The following ARSF variants were observed in gnomAD, a reference collection of about 807,000 sequenced individuals.
ARSF encodes arylsulfatase F.
ARSF carries 33 observed loss-of-function variants against 35.4 expected under a neutral mutation model. That is an observed-to-expected ratio of 0.93 (90% CI 0.71 to 1.25). The LOEUF is 1.25. Among genes scored for constraint, ARSF ranks in the 50% most tolerant of loss-of-function variants. The pLI is 0.00. For synonymous variants in ARSF, 222 were observed against 193.1 expected (o/e 1.15, Z -1.24); for missense variants, 501 against 480.2 (o/e 1.04, Z -0.40).
intron 1 of ARSF, among the ~76,000 whole-genome samples, chrX:3,056,403 G>A (rs992579875): frequency 6.9e-4 from 75 of 108,904 alleles, no homozygotes; most frequent in African/African-American, 2.3e-3. Context: ...AGCCTCCTGA[G>A]TAGTTGGGAT....
chrX:3,047,106 A>G (rs1468767485), intron 1 of ARSF, among the ~76,000 whole-genome samples: 1 of 111,299 alleles, frequency 9.0e-6, no homozygotes, highest in African/African-American at 3.3e-5. Flanking sequence ...CATCTTCTAG[A>G]TTGGTATCGT....
At chrX:3,098,047 AACAC>A (rs3032523) in intron 7 of ARSF, among the ~76,000 whole-genome samples, 1,741 of 88,054 alleles carry the variant, frequency 0.02, 50 homozygotes, top group Admixed American at 0.12. Flanking sequence ...ATACACACAC[AACAC>A]ACACACACAC....
intron 1 of ARSF, among the ~76,000 whole-genome samples, chrX:3,064,297 T>C (rs775190449): frequency 1.1e-4 from 12 of 112,156 alleles, no homozygotes; most frequent in African/African-American, 3.6e-4. Context: ...TTATACAAAA[T>C]TAATTCAAGA....
chrX:3,059,389 G>A (rs886555733), intron 1 of ARSF, among the ~76,000 whole-genome samples: 3 of 111,818 alleles, frequency 2.7e-5, no homozygotes, highest in Non-Finnish European at 5.6e-5. Flanking sequence ...CACAGAAAAC[G>A]GGTGATTTCT....
Position 3,112,306 on chromosome X carries a change from A to G in ARSF, c.1523A>G (p.Asp508Gly). ...TACCACAACCCCCCTCTGCTCTTCG[A>G]TCTCTCCAGGGACCCCTCAGAGTCC... ...VTYHNPPLLF[D>G]LSRDPSESTP... Residue 508 changes from aspartate (D) to glycine (G), a missense_variant, in exon 11 of 11, where the codon GAT (aspartate) becomes GGT (glycine). Asp to Gly is a moderately conservative substitution (Grantham distance 94). Transcript: ENST00000381127. The G allele has an allele frequency of 8.3e-7, 1 of 1,210,419 alleles. No individual in the cohort carries two copies. The highest frequency in any genetic ancestry group is 1.1e-6 in the Non-Finnish European group (1 of 895,150).
intron 4 of ARSF, among the ~76,000 whole-genome samples, chrX:3,077,632 C>T (rs2090162650): frequency 1.8e-5 from 2 of 109,115 alleles, no homozygotes; most frequent in African/African-American, 3.3e-5. Context: ...GAGCGAGACT[C>T]TGTCTCAAAA....
At chrX:3,107,080 A>C (rs905770353) in intron 9 of ARSF, among the ~76,000 whole-genome samples, 10 of 112,333 alleles carry the variant, frequency 8.9e-5, no homozygotes, top group Non-Finnish European at 1.5e-4. Flanking sequence ...TAGTTGTTAT[A>C]TTGTACCCTT....
chrX:3,095,414 TTA>T (rs2090332244), intron 7 of ARSF, among the ~76,000 whole-genome samples: 1 of 108,223 alleles, frequency 9.2e-6, no homozygotes. Flanking sequence ...CATTATATTA[TTA>T]TGTTCATATA....
At chrX:3,103,317 TG>T (rs1433950714) in intron 8 of ARSF, among the ~76,000 whole-genome samples, 1 of 111,252 alleles carries the variant, frequency 9.0e-6, no homozygotes, top group Non-Finnish European at 1.9e-5. Flanking sequence ...TAAAGAATTC[TG>T]GGGTGGGACT....
In ARSF at chrX:3,112,294, C is replaced by T. The variant is rs1426850924; in HGVS notation, c.1511C>T (p.Pro504Leu). 5.0e-6 allele frequency: 6 copies of T among 1,211,152 alleles called. No homozygotes were observed. In the East Asian group the frequency reaches 1.5e-4, roughly 30 times the overall value. The part of the protein sequence containing the change: ...FGEQVTYHNP[P>L]LLFDLSRDPS... ...GAACAGGTTACCTACCACAACCCCC[C>T]TCTGCTCTTCGATCTCTCCAGGGAC... The change falls in exon 11 of 11, where the codon CCT becomes CTT. Residue 504 changes from proline (P) to leucine (L), a missense_variant. Coordinates refer to ENST00000381127, the MANE Select transcript of ARSF (RefSeq NM_001201539.2).
In ARSF at chrX:3,084,227, G is replaced by T. The variant is rs936731654; in HGVS notation, c.407-16G>T. 5.8e-6 allele frequency: 7 copies of T among 1,207,392 alleles called. No homozygotes were observed. Among genetic ancestry groups the T allele is most frequent in the Non-Finnish European group, 7.8e-6 (7 of 892,046 alleles). On this transcript the variant is annotated splice_polypyrimidine_tract_variant and intron_variant, in intron 5 of 10. Coordinates refer to ENST00000381127, the MANE Select transcript of ARSF (RefSeq NM_001201539.2). ...GACATATTGATGCGTAGATGTGTTT[G>T]TGTGTTTGGTTTTAGGCAAATGGCA...
chrX:3,105,429 C>A (rs185089257), intron 9 of ARSF, among the ~76,000 whole-genome samples: 26 of 111,958 alleles, frequency 2.3e-4, no homozygotes, highest in African/African-American at 7.4e-4. Flanking sequence ...ATTGATGATG[C>A]TAACACAGGA....
intron 3 of ARSF, among the ~76,000 whole-genome samples, chrX:3,073,435 C>T (rs771503083): frequency 1.8e-4 from 18 of 99,658 alleles, no homozygotes; most frequent in African/African-American, 5.9e-4. Context: ...AGCCAGGACT[C>T]GGGTCCAGAT....
chrX:3,083,092 C>CCTAT (rs544600848), intron 5 of ARSF, among the ~76,000 whole-genome samples: 1,396 of 109,662 alleles, frequency 0.013, 21 homozygotes, highest in African/African-American at 0.043. Flanking sequence ...ATTCATCTAT[C>CCTAT]CTATCTATCT....
intron 1 of ARSF, among the ~76,000 whole-genome samples, chrX:3,054,352 C>A (rs188590528): frequency 7.1e-5 from 8 of 111,952 alleles, no homozygotes; most frequent in African/African-American, 2.6e-4. Flanking sequence ...TGTCTCCTCA[C>A]AGGCTTCTTA....
At chrX:3,070,595 A>G (rs189685306) in intron 2 of ARSF, among the ~76,000 whole-genome samples, 37 of 110,711 alleles carry the variant, frequency 3.3e-4, no homozygotes, top group Admixed American at 2.4e-3. Context: ...AAAAAATTCA[A>G]TAGTTTTTGG....
At chrX:3,091,380 A>T (rs1350297660) in intron 7 of ARSF, among the ~76,000 whole-genome samples, 1 of 112,711 alleles carries the variant, frequency 8.9e-6, no homozygotes, top group Non-Finnish European at 1.9e-5. Flanking sequence ...AGAGAGAACA[A>T]TGTAAATGGG....
At chrX:3,095,963 CTT>C (rs994349900) in intron 7 of ARSF, among the ~76,000 whole-genome samples, 4 of 107,465 alleles carry the variant, frequency 3.7e-5, no homozygotes, top group African/African-American at 6.7e-5. Context: ...AACAATATAA[CTT>C]ATAAAACATT....
intron 10 of ARSF, among the ~76,000 whole-genome samples, chrX:3,111,610 A>G (rs923721316): frequency 6.3e-5 from 7 of 111,244 alleles, no homozygotes; most frequent in Non-Finnish European, 1.1e-4. Flanking sequence ...AGTTTTGTAA[A>G]AGATAATTTT....
Sources: allele counts gnomAD v4.1 joint callset (sites outside exome capture counted in the v4.1 genomes callset), GRCh38; gene constraint gnomAD v4.1.1; transcripts MANE v1.5; gene names NCBI Gene and HGNC (gene_info 2026-07-23, HGNC 2026-07-21).